Variants in ARHGAP33 observed in about 807,000 individuals in gnomAD.
ARHGAP33 encodes Rho GTPase activating protein 33.
A neutral mutation model predicts 126.2 loss-of-function variants in ARHGAP33; 57 were observed. The observed-to-expected ratio is 0.45, with a 90% CI of 0.36 to 0.56. The LOEUF (loss-of-function observed/expected upper bound fraction) is 0.56. ARHGAP33 is among the 20% of genes least tolerant of loss of function. ARHGAP33 has a pLI of 0.00. For synonymous variants in ARHGAP33, 711 were observed against 755.0 expected, an observed-to-expected ratio of 0.94 and a Z score of 0.95; for missense variants, 1,500 against 1,748.3, an observed-to-expected ratio of 0.86 and a Z score of 2.53.
In ARHGAP33 at chr19:35,787,577, G is replaced by A. The variant is rs780033836; in HGVS notation, c.3012G>A (p.Arg1004=). The part of the protein sequence containing the change: ...RGPAQVSAQL[R]AGGGGRDAPE... ...CTGCCCAGGTCAGTGCCCAGCTCAG[G>A]GCAGGTGGCGGGGGCAGGGATGCGC... Residue 1004 remains arginine, a synonymous_variant, in exon 21 of 21, where the codon AGG becomes AGA. Transcript: ENST00000007510. 2.5e-6 allele frequency: 4 copies of A among 1,609,380 alleles called. No homozygotes were observed. In the Admixed American group the frequency reaches 5.1e-5, roughly 21 times the overall value.
Position 35,786,430 on chromosome 19 carries a change from AGGCTGC to A in ARHGAP33, c.1964_1969del (p.Leu655_Arg656del). 6.5e-7 allele frequency: 1 copy of A among 1,533,928 alleles called. No individual in the cohort carries two copies. The highest frequency in any genetic ancestry group is 1.2e-5 in the South Asian group (1 of 83,852). On this transcript the variant is annotated inframe_deletion, in exon 20 of 21. Coordinates refer to ENST00000007510, the MANE Select transcript of ARHGAP33 (RefSeq NM_001366178.1). The surrounding 1 kb of genome is among the most constrained non-coding windows in gnomAD (Gnocchi z 7.0). ...CCCTCCAGGCCTCCAGAGGCTGCAC[AGGCTGC>A]GGCGACCCCACTCCAGCAGCGACGC...
Position 35,788,085 on chromosome 19 carries a change from C to G in ARHGAP33, c.3520C>G (p.Leu1174Val). 6.2e-7 allele frequency: 1 copy of G among 1,612,080 alleles called. No individual in the cohort carries two copies. Among genetic ancestry groups the G allele is most frequent in the Non-Finnish European group, 8.5e-7 (1 of 1,179,372 alleles). Residue 1174 changes from leucine to valine, a missense_variant, in exon 21 of 21, where the codon CTA becomes GTA. Coordinates refer to ENST00000007510, the MANE Select transcript of ARHGAP33 (RefSeq NM_001366178.1). ...PPEPLYVNLA[L>V]GPRGPSPASS... ...TGAGCCCCTCTACGTCAACCTAGCT[C>G]TAGGGCCCAGGGGTCCCTCACCTGC...
At position 35,787,858 on chromosome 19, in the gene ARHGAP33, C is replaced by A; in HGVS notation, c.3293C>A (p.Ser1098Tyr). 1.2e-6 allele frequency: 2 copies of A among 1,608,794 alleles called. No individual in the cohort carries two copies. The highest frequency in any genetic ancestry group is 1.7e-6 in the Non-Finnish European group (2 of 1,177,274). Reference sequence around the variant, plus strand: ...GGGGCAAGTGAGGGGTCCCCCTATTCTGGCCCCACCCGCTCCTGGAGTCCC... The same window carrying A: ...GGGGCAAGTGAGGGGTCCCCCTATTATGGCCCCACCCGCTCCTGGAGTCCC... Reference protein sequence around the residue: ...EIGASEGSPYSGPTRSWSPFR... With the variant: ...EIGASEGSPYYGPTRSWSPFR... Residue 1098 changes from serine to tyrosine, a missense_variant, in exon 21 of 21, where the codon TCT (serine) becomes TAT (tyrosine). Physicochemically the swap from Ser to Tyr is moderately radical, Grantham distance 144. This residue lies in a region of ARHGAP33 where 642 missense variants were observed against 634.0 expected (regional missense o/e 1.01). Coordinates refer to ENST00000007510, the MANE Select transcript of ARHGAP33 (RefSeq NM_001366178.1).
rs1425922728 is a variant in ARHGAP33, at chr19:35,786,938, C to T, written c.2468C>T (p.Thr823Ile). The T allele has an allele frequency of 6.2e-7, 1 of 1,610,980 alleles. No homozygotes were observed. The highest frequency in any genetic ancestry group is 1.3e-5 in the African/African-American group (1 of 74,982). ...GGAGCACCTGCCTCAGCCACCCCAA[C>T]ACCAGCTCTCAGCCCCGGCCGGAGC... is the stretch of plus-strand genomic sequence containing the variant. ...AGGAPASATPTPALSPGRSLR... is the reference protein window; with the variant it reads ...AGGAPASATPIPALSPGRSLR... The change falls in exon 20 of 21, where the codon ACA (threonine) becomes ATA (isoleucine). Residue 823 changes from threonine (T) to isoleucine (I), a missense_variant. Thr to Ile is a moderately conservative substitution (Grantham distance 89). Around this residue, in one of 6 missense-constraint regions of ARHGAP33, gnomAD observed 642 missense variants for 634.0 expected, o/e 1.01. Coordinates refer to ENST00000007510, the MANE Select transcript of ARHGAP33 (RefSeq NM_001366178.1). This position sits in a 1 kb window ranked among gnomAD's most constrained non-coding sequence, Gnocchi z 7.0.
Position 35,788,323 on chromosome 19 carries a change from T to C in ARHGAP33, c.3758T>C (p.Leu1253Ser). 1 of 1,608,192 alleles carries C rather than the reference T, an allele frequency of 6.2e-7. No homozygotes were observed. The highest frequency in any genetic ancestry group is 8.5e-7 in the Non-Finnish European group (1 of 1,178,214). ...GRGGELHRGSLYRNGGQRGEG... is the reference protein window; with the variant it reads ...GRGGELHRGSSYRNGGQRGEG... ...GGGGGCGAGCTCCACCGAGGGTCCT[T>C]GTACAGAAATGGAGGGCAAAGAGGG... is the stretch of plus-strand genomic sequence containing the variant. Residue 1253 changes from leucine to serine, a missense_variant, in exon 21 of 21, where the codon TTG becomes TCG. Transcript: ENST00000007510.
rs1325344396 is a variant in ARHGAP33, at chr19:35,788,301, G to C, written c.3736G>C (p.Gly1246Arg). 3.7e-6 allele frequency: 6 copies of C among 1,608,314 alleles called. No individual in the cohort carries two copies. The highest frequency in any genetic ancestry group is 1.1e-5 in the South Asian group (1 of 90,660). ...RAAPPAYGRG[G>R]ELHRGSLYRN... The stretch of plus-strand genomic sequence containing the variant: ...AGCCCCGCCAGCCTACGGAAGGGGG[G>C]GCGAGCTCCACCGAGGGTCCTTGTA... Residue 1246 changes from glycine (G) to arginine (R), a missense_variant, in exon 21 of 21, where the codon GGC (glycine) becomes CGC (arginine). By Grantham distance (125) the Gly-to-Arg change is moderately radical (BLOSUM62 -2). Coordinates refer to ENST00000007510, the MANE Select transcript of ARHGAP33 (RefSeq NM_001366178.1).
chr19:35,785,982 G>A, intron 19 of ARHGAP33: 3 of 1,089,570 alleles, frequency 2.8e-6, no homozygotes, highest in Non-Finnish European at 2.2e-6. Context: ...GGGGAGCTTG[G>A]CTTTTTCTCC....
intron 16 of ARHGAP33, 81 bp from the exon 17 acceptor site, chr19:35,784,872 G>A: frequency 1.4e-6 from 2 of 1,435,846 alleles, no homozygotes; most frequent in Non-Finnish European, 9.1e-7. Context: ...CGGGGCCGGG[G>A]CTTGGGCTGT....
At position 35,786,881 on chromosome 19, in the gene ARHGAP33, C is replaced by G. The variant is rs1336770743; in HGVS notation, c.2411C>G (p.Pro804Arg). The change falls in exon 20 of 21, where the codon CCA (proline) becomes CGA (arginine). Residue 804 changes from proline to arginine, a missense_variant. Pro to Arg is a moderately radical substitution (Grantham distance 103). Around this residue, in one of 6 missense-constraint regions of ARHGAP33, gnomAD observed 73 missense variants for 110.8 expected, o/e 0.66. Transcript: ENST00000007510. This position sits in a 1 kb window ranked among gnomAD's most constrained non-coding sequence, Gnocchi z 7.0. ...TCAGAGCCCCTGGCTGTATCAGTGC[C>G]ACCCGCTGTCCTAGAACTGCTGGGG... is the stretch of plus-strand genomic sequence containing the variant. ...DISEPLAVSVPPAVLELLGAG... is the reference protein window; with the variant it reads ...DISEPLAVSVRPAVLELLGAG... The G allele has an allele frequency of 6.2e-7, 1 of 1,607,206 alleles. No homozygotes were observed. The highest frequency in any genetic ancestry group is 1.3e-5 in the African/African-American group (1 of 74,742).
chr19:35,777,453 ACC>A, intron 1 of ARHGAP33, 190 bp from the exon 2 acceptor site: 2 of 604,104 alleles, frequency 3.3e-6, no homozygotes, highest in Non-Finnish European at 5.9e-6. Context: ...CCAGTCCCCC[ACC>A]CCAGACCACA....
rs113013816 is a variant in ARHGAP33 at position 35,779,155 on chromosome 19, G to T, written c.501+31G>T. On this transcript the variant is annotated intron_variant, in intron 6 of 20. Coordinates refer to ENST00000007510, the MANE Select transcript of ARHGAP33 (RefSeq NM_001366178.1). ...CCTGGGCAGGGGGCTTGGAGATTCC[G>T]AGTGGGTGAGGGGGTGTCTGAGGGG... The T allele has an allele frequency of 2.0e-6, 3 of 1,527,466 alleles. No individual in the cohort carries two copies. The African/African-American group carries it at 4.1e-5, about 21-fold the overall frequency. 94.6% of individuals were successfully genotyped at this position (1,527,466 alleles called of 1,614,324 possible).
chr19:35,786,116 C>G lies in ARHGAP33; in HGVS notation c.1943-297C>G. On this transcript the variant is annotated intron_variant, in intron 19 of 20. Coordinates refer to ENST00000007510, the MANE Select transcript of ARHGAP33 (RefSeq NM_001366178.1). This position sits in a 1 kb window ranked among gnomAD's most constrained non-coding sequence, Gnocchi z 7.0. ...TCTGAGCCACCGCGCCATCCTCACACTCCTGGGGTACTGCCCTCCCACATA... is the reference window on the plus strand; with the variant it reads ...TCTGAGCCACCGCGCCATCCTCACAGTCCTGGGGTACTGCCCTCCCACATA... 7.7e-7 allele frequency: 1 copy of G among 1,301,292 alleles called. No individual in the cohort carries two copies. Among genetic ancestry groups the G allele is most frequent in the Non-Finnish European group, 9.7e-7 (1 of 1,025,944 alleles). The allele number at this position is 1,301,292 out of a possible 1,614,324, so 80.6% of individuals were successfully genotyped here.
Position 35,784,949 on chromosome 19 carries a change from C to G in ARHGAP33, c.1568-4C>G. 1 of 1,538,304 alleles carries G rather than the reference C, an allele frequency of 6.5e-7. No individual in the cohort carries two copies. Among genetic ancestry groups the G allele is most frequent in the Non-Finnish European group, 8.7e-7 (1 of 1,145,676 alleles). Reference sequence around the variant, plus strand: ...GACAGCTGCCCCCTTTCCACACTCCCCAGGCCGCTGCCTGCTCCCCAGGCC... The same window carrying G: ...GACAGCTGCCCCCTTTCCACACTCCGCAGGCCGCTGCCTGCTCCCCAGGCC... On this transcript the variant is annotated splice_region_variant and splice_polypyrimidine_tract_variant and intron_variant, in intron 16 of 20. Coordinates refer to ENST00000007510, the MANE Select transcript of ARHGAP33 (RefSeq NM_001366178.1).
Position 35,785,118 on chromosome 19 carries a change from G to C in ARHGAP33, c.1721+12G>C. 6.3e-7 allele frequency: 1 copy of C among 1,590,698 alleles called. No individual in the cohort carries two copies. The highest frequency in any genetic ancestry group is 8.6e-7 in the Non-Finnish European group (1 of 1,165,150). On this transcript the variant is annotated intron_variant, in intron 17 of 20. Coordinates refer to ENST00000007510, the MANE Select transcript of ARHGAP33 (RefSeq NM_001366178.1). ...TCACCTGCGGAAAGGTGAGTGGGAT[G>C]CTGGGGGTGGCGAGGGGCAGGTGGA...
chr19:35,787,867 C>G lies in ARHGAP33; in HGVS notation c.3302C>G (p.Thr1101Ser). 6.2e-7 allele frequency: 1 copy of G among 1,609,186 alleles called. No individual in the cohort carries two copies. Among genetic ancestry groups the G allele is most frequent in the South Asian group, 1.1e-5 (1 of 90,828 alleles). Residue 1101 changes from threonine (T) to serine (S), a missense_variant, in exon 21 of 21, where the codon ACC becomes AGC. Around this residue, in one of 6 missense-constraint regions of ARHGAP33, gnomAD observed 642 missense variants for 634.0 expected, o/e 1.01. Transcript: ENST00000007510. ...ASEGSPYSGPTRSWSPFRSMP... is the reference protein window; with the variant it reads ...ASEGSPYSGPSRSWSPFRSMP... The stretch of plus-strand genomic sequence containing the variant: ...GAGGGGTCCCCCTATTCTGGCCCCA[C>G]CCGCTCCTGGAGTCCCTTTCGCTCC...
Position 35,782,902 on chromosome 19 carries a change from G to C in ARHGAP33, c.1421+33G>C. 1.3e-6 allele frequency: 2 copies of C among 1,573,340 alleles called. No homozygotes were observed. Among genetic ancestry groups the C allele is most frequent in the Non-Finnish European group, 1.7e-6 (2 of 1,157,920 alleles). ...GCTTGCTCGCCTGCCTGCCCCTCAG[G>C]TCTTTCCCCAAAACCACCCCAGGAA... On this transcript the variant is annotated intron_variant, in intron 15 of 20. Coordinates refer to ENST00000007510, the MANE Select transcript of ARHGAP33 (RefSeq NM_001366178.1). This position sits in a 1 kb window ranked among gnomAD's most constrained non-coding sequence, Gnocchi z 4.1.
chr19:35,775,616 C>T lies in ARHGAP33; in HGVS notation c.-43C>T. ...CGGCAGCGGCGACGAGAACGGCGAG[C>T]GAGGGGTCGAGCGCGGCCGGGGCCT... On this transcript the variant is annotated 5_prime_UTR_variant, in exon 1 of 21. Coordinates refer to ENST00000007510, the MANE Select transcript of ARHGAP33 (RefSeq NM_001366178.1). 1 of 1,504,280 alleles carries T rather than the reference C, an allele frequency of 6.6e-7. No homozygotes were observed. Among genetic ancestry groups the T allele is most frequent in the Non-Finnish European group, 8.8e-7 (1 of 1,131,610 alleles). 93.2% of individuals were successfully genotyped at this position (1,504,280 alleles called of 1,614,324 possible).
chr19:35,782,299 G>T lies in ARHGAP33; in HGVS notation c.1086-74G>T. 2 of 1,542,400 alleles carry T rather than the reference G, an allele frequency of 1.3e-6. No individual in the cohort carries two copies. On this transcript the variant is annotated intron_variant, in intron 12 of 20. Transcript: ENST00000007510. The surrounding 1 kb of genome is among the most constrained non-coding windows in gnomAD (Gnocchi z 4.1). ...CCACCTGCGGGCACTTGGGGGTAGG[G>T]GCAAGGGGAGCATGGCCACGTGAGC... is the stretch of plus-strand genomic sequence containing the variant.
In ARHGAP33 at chr19:35,776,969, G is replaced by C. The variant is rs751858381; in HGVS notation, c.7-676G>C. Among the ~76,000 whole-genome samples the C allele has an allele frequency of 3.3e-4, 50 of 152,334 alleles. 1 individual carries two copies. Among genetic ancestry groups the C allele is most frequent in the Non-Finnish European group, 8.8e-5 (6 of 68,026 alleles). On this transcript the variant is annotated intron_variant, in intron 1 of 20. Transcript: ENST00000007510. The stretch of plus-strand genomic sequence containing the variant: ...GTGAGGATGAATGTACCCAGGGAAA[G>C]GTGGGGCGAGTGTTCCAGGCTGAGG...
Sources: allele counts gnomAD v4.1 joint callset (sites outside exome capture counted in the v4.1 genomes callset), GRCh38; gene constraint gnomAD v4.1.1; regional missense constraint gnomAD v4.1.1; non-coding constraint Gnocchi (gnomAD v3.1); transcripts MANE v1.5; gene names NCBI Gene and HGNC (gene_info 2026-07-23, HGNC 2026-07-21).